ALG1L2: variants seen among roughly 807,000 people sequenced by gnomAD.
ALG1L2 encodes putative glycosyltransferase ALG1L2.
In ALG1L2, 32 loss-of-function variants were observed where a neutral mutation model predicts 29.0. That is an observed-to-expected ratio of 1.10 (90% CI 0.83 to 1.48). ALG1L2 has a LOEUF of 1.48. Among genes scored for constraint, ALG1L2 ranks in the 40% most tolerant of loss-of-function variants. The pLI is 0.00. For synonymous variants in ALG1L2, 110 were observed against 109.5 expected, an observed-to-expected ratio of 1.00 and a Z score of -0.03; for missense variants, 318 against 274.1, an observed-to-expected ratio of 1.16 and a Z score of -1.13.
intron 5 of ALG1L2, among the ~76,000 whole-genome samples, chr3:130,095,499 G>A (rs944713196): frequency 1.3e-5 from 2 of 151,658 alleles, no homozygotes; most frequent in African/African-American, 2.4e-5. Flanking sequence ...GCAATGGTGC[G>A]ATCTTGGCTC....
rs189610373 is a variant in ALG1L2, at chr3:130,092,894, G to T, written c.254-207G>T. Among the ~76,000 whole-genome samples, 235 of 152,164 alleles carry T rather than the reference G, an allele frequency of 1.5e-3. 1 individual carries two copies. The highest frequency in any genetic ancestry group is 5.0e-3 in the African/African-American group (207 of 41,526). The stretch of plus-strand genomic sequence containing the variant: ...AAAATACAAAAATTAGCTAGGTATG[G>T]TGGTGGGCGCCTGTAATCCCAGCTA... On this transcript the variant is annotated intron_variant, in intron 3 of 7. Coordinates refer to ENST00000425059, the MANE Select transcript of ALG1L2 (RefSeq NM_001136152.1).
At position 130,096,181 on chromosome 3, in the gene ALG1L2, AT is replaced by A. The variant is rs775887619; in HGVS notation, c.539+24del. ...TTCAAGTGGTAGGAGCAGAACCCGAATTTTTTCTGGGGATAGCTTCACAGAT... is the reference window on the plus strand; with the variant it reads ...TTCAAGTGGTAGGAGCAGAACCCGAATTTTTCTGGGGATAGCTTCACAGAT... On this transcript the variant is annotated intron_variant, in intron 6 of 7. Transcript: ENST00000425059. 3.1e-4 allele frequency: 493 copies of A among 1,610,618 alleles called. 3 individuals are homozygous for A. The East Asian group carries it at 7.0e-3, about 23-fold the overall frequency.
chr3:130,090,057 A>C (rs1209985244), intron 1 of ALG1L2, among the ~76,000 whole-genome samples: 1 of 151,720 alleles, frequency 6.6e-6, no homozygotes, highest in Non-Finnish European at 1.5e-5. Context: ...ATAAATAAAT[A>C]GAAAAATAAA....
chr3:130,094,330 A>T (rs774287083), intron 4 of ALG1L2, 73 bp from the exon 5 acceptor site: 77 of 1,527,508 alleles, frequency 5.0e-5, no homozygotes, highest in Admixed American at 8.4e-5. Flanking sequence ...CCTAGGGGGG[A>T]GTGTCTTGGG....
At position 130,083,061 on chromosome 3, in the gene ALG1L2, A is replaced by T. The variant is rs188581932; in HGVS notation, c.20+1025A>T. On this transcript the variant is annotated intron_variant, in intron 1 of 7. Coordinates refer to ENST00000425059, the MANE Select transcript of ALG1L2 (RefSeq NM_001136152.1). Reference sequence around the variant, plus strand: ...GGAGAGGCAAAGATAGCAGAGTCATAGTTGTTTTTCCTTTCAATTCTTCCT... The same window carrying T: ...GGAGAGGCAAAGATAGCAGAGTCATTGTTGTTTTTCCTTTCAATTCTTCCT... Among the ~76,000 whole-genome samples the T allele has an allele frequency of 2.3e-5, 3 of 132,562 alleles. No individual in the cohort carries two copies. In the East Asian group the frequency reaches 6.2e-4, roughly 27 times the overall value. 87.0% of individuals were successfully genotyped at this position (132,562 alleles called of 152,430 possible).
intron 5 of ALG1L2, among the ~76,000 whole-genome samples, chr3:130,095,407 GGTTT>G (rs1935107763): frequency 6.5e-5 from 3 of 46,504 alleles, no homozygotes; most frequent in Admixed American, 5.9e-4. Flanking sequence ...GGTGTGCTGT[GGTTT>G]ATTATTATTA....
intron 1 of ALG1L2, among the ~76,000 whole-genome samples, chr3:130,083,922 G>T (rs1934838150): frequency 6.6e-6 from 1 of 151,244 alleles, no homozygotes; most frequent in East Asian, 1.9e-4. Context: ...GAAGATAGAG[G>T]ATTTAGGCAT....
At chr3:130,091,650 A>C in intron 2 of ALG1L2, 1 of 556,252 alleles carries the variant, frequency 1.8e-6, no homozygotes, top group South Asian at 1.9e-5. Flanking sequence ...TGACCCTTTA[A>C]GGAATGTTAA....
Position 130,098,347 on chromosome 3 carries a change from T to C in ALG1L2, c.*92T>C. ...GAGCTGGGTGCAGACTGTGCTCCCTTTGGTTATGGACACATAACTCCTGGG... is the reference window on the plus strand; with the variant it reads ...GAGCTGGGTGCAGACTGTGCTCCCTCTGGTTATGGACACATAACTCCTGGG... On this transcript the variant is annotated 3_prime_UTR_variant, in exon 8 of 8. Transcript: ENST00000425059. 1 of 1,596,344 alleles carries C rather than the reference T, an allele frequency of 6.3e-7. No individual in the cohort carries two copies. The highest frequency in any genetic ancestry group is 1.1e-5 in the South Asian group (1 of 90,980).
chr3:130,084,974 T>TTATTTATTTA, intron 1 of ALG1L2, among the ~76,000 whole-genome samples: 6 of 19,836 alleles, frequency 3.0e-4, no homozygotes, highest in African/African-American at 7.2e-4. Context: ...ATTTATTTAT[T>TTATTTATTTA]TTGAGACAGA....
At chr3:130,087,619 T>C (rs1456563137) in intron 1 of ALG1L2, among the ~76,000 whole-genome samples, 1 of 134,504 alleles carries the variant, frequency 7.4e-6, no homozygotes, top group African/African-American at 2.5e-5. Flanking sequence ...AAAGGATAAC[T>C]CTTCTGCCAC....
At chr3:130,093,614 G>A (rs1577329107) in intron 4 of ALG1L2, among the ~76,000 whole-genome samples, 1 of 152,014 alleles carries the variant, frequency 6.6e-6, no homozygotes, top group African/African-American at 2.4e-5. Flanking sequence ...AGTAGAAACA[G>A]GGCTTCACCA....
intron 1 of ALG1L2, among the ~76,000 whole-genome samples, chr3:130,087,516 T>G (rs1353959805): frequency 6.7e-6 from 1 of 149,496 alleles, no homozygotes; most frequent in Non-Finnish European, 1.5e-5. Flanking sequence ...AAAACCGTAT[T>G]GTAGCAGGGT....
At position 130,081,961 on chromosome 3, in the gene ALG1L2, G is replaced by T. The variant is rs557910567; in HGVS notation, c.-56G>T. 2 of 1,428,678 alleles carry T rather than the reference G, an allele frequency of 1.4e-6. No homozygotes were observed. Among genetic ancestry groups the T allele is most frequent in the African/African-American group, 1.4e-5 (1 of 72,500 alleles). 88.5% of individuals were successfully genotyped at this position (1,428,678 alleles called of 1,614,324 possible). A position where few individuals can be genotyped will look rare whatever the true frequency, so the allele number is the denominator to read the frequency against. ...TTGTAGGGTGTGAGGCTGTCACAGA[G>T]GCTGGAGAAATAAGCAGTTCCTTGC... On this transcript the variant is annotated 5_prime_UTR_variant, in exon 1 of 8. In the 5' UTR this introduces an upstream ATG that the reference lacks. Coordinates refer to ENST00000425059, the MANE Select transcript of ALG1L2 (RefSeq NM_001136152.1).
chr3:130,089,098 T>G (rs971288639), intron 1 of ALG1L2, among the ~76,000 whole-genome samples: 3 of 152,224 alleles, frequency 2.0e-5, no homozygotes, highest in Admixed American at 6.5e-5. Flanking sequence ...CCCCTGGCCC[T>G]TCATAGGACG....
chr3:130,095,309 G>A (rs1415870961), intron 5 of ALG1L2, among the ~76,000 whole-genome samples: 1 of 151,928 alleles, frequency 6.6e-6, no homozygotes, highest in Non-Finnish European at 1.5e-5. Flanking sequence ...GGGATTCCAG[G>A]TGTGACCCAT....
At chr3:130,088,561 G>T (rs1193810931) in intron 1 of ALG1L2, among the ~76,000 whole-genome samples, 1 of 152,288 alleles carries the variant, frequency 6.6e-6, no homozygotes, top group Non-Finnish European at 1.5e-5. Context: ...GGGACAACAG[G>T]CATGAGCCAT....
rs766158895 is a variant in ALG1L2, at chr3:130,093,114, G to A, written c.267G>A (p.Leu89=). ...TTTTAAACACAGAGTTTGAACAACTGACTCTTGACGGACAGAACCTTCCTT... is the reference window on the plus strand; with the variant it reads ...TTTTAAACACAGAGTTTGAACAACTAACTCTTGACGGACAGAACCTTCCTT... ...SSTSWTEFEQ[L]TLDGQNLPSL... is the part of the protein sequence containing the mutation. The change falls in exon 4 of 8, where the codon CTG becomes CTA. Residue 89 remains leucine, a synonymous_variant. Coordinates refer to ENST00000425059, the MANE Select transcript of ALG1L2 (RefSeq NM_001136152.1). 6.2e-7 allele frequency: 1 copy of A among 1,606,744 alleles called. No individual in the cohort carries two copies. Among genetic ancestry groups the A allele is most frequent in the Non-Finnish European group, 8.5e-7 (1 of 1,177,684 alleles).
chr3:130,082,076 G>C, intron 1 of ALG1L2, 40 bp downstream of exon 1: 1 of 1,491,424 alleles, frequency 6.7e-7, no homozygotes, highest in Non-Finnish European at 9.1e-7. Context: ...GCAATGCAGA[G>C]AAACCCTGGG....
Sources: allele counts gnomAD v4.1 joint callset (sites outside exome capture counted in the v4.1 genomes callset), GRCh38; gene constraint gnomAD v4.1.1; transcripts MANE v1.5; gene names NCBI Gene and HGNC (gene_info 2026-07-23, HGNC 2026-07-21).